PDZRN3: variants seen among roughly 807,000 people sequenced by gnomAD.
The protein encoded by PDZRN3 is E3 ubiquitin-protein ligase PDZRN3.
A neutral mutation model predicts 85.7 loss-of-function variants in PDZRN3; 38 were observed. The observed-to-expected ratio is 0.44, with a 90% CI of 0.34 to 0.58. PDZRN3 has a LOEUF of 0.58. PDZRN3 is among the 20% of genes least tolerant of loss of function. PDZRN3 has a pLI of 0.01. For missense variants in PDZRN3, 1,629 were observed against 1,506.4 expected, an observed-to-expected ratio of 1.08 and a Z score of -1.35; for synonymous variants, 759 against 638.0, an observed-to-expected ratio of 1.19 and a Z score of -2.86.
At chr3:73,546,077 A>C (rs1037621691) in intron 3 of PDZRN3, among the ~76,000 whole-genome samples, 1 of 152,134 alleles carries the variant, frequency 6.6e-6, no homozygotes, top group Non-Finnish European at 1.5e-5. Flanking sequence ...CTTATTCTGT[A>C]TACTGTGTCC....
At chr3:73,439,584 T>C (rs191111372) in intron 3 of PDZRN3, among the ~76,000 whole-genome samples, 130 of 152,236 alleles carry the variant, frequency 8.5e-4, no homozygotes, top group Non-Finnish European at 1.7e-3. Context: ...AAACTGTGTC[T>C]TCATAGCAAG....
intron 5 of PDZRN3, among the ~76,000 whole-genome samples, chr3:73,400,155 C>T (rs1365445419): frequency 6.6e-6 from 1 of 152,120 alleles, no homozygotes; most frequent in Non-Finnish European, 1.5e-5. Context: ...TGTCTTTTTA[C>T]CTTATTCCAT....
At chr3:73,514,429 C>A (rs1695040179) in intron 3 of PDZRN3, among the ~76,000 whole-genome samples, 1 of 152,098 alleles carries the variant, frequency 6.6e-6, no homozygotes, top group Admixed American at 6.5e-5. Context: ...AAGGGCTGGG[C>A]TGGAAGACTG....
chr3:73,409,403 T>C (rs1701920576), intron 3 of PDZRN3, among the ~76,000 whole-genome samples: 1 of 152,182 alleles, frequency 6.6e-6, no homozygotes, highest in Non-Finnish European at 1.5e-5. Flanking sequence ...GAGCTTTCCA[T>C]TTGGGAGGTA....
intron 3 of PDZRN3, among the ~76,000 whole-genome samples, chr3:73,410,223 G>C (rs1348265785): frequency 6.6e-6 from 1 of 152,182 alleles, no homozygotes; most frequent in Non-Finnish European, 1.5e-5. Flanking sequence ...ACTCCTGTCT[G>C]TCTTAATTTA....
chr3:73,388,125 TGG>T, intron 7 of PDZRN3, 56 bp from the exon 8 acceptor site: 1 of 829,776 alleles, frequency 1.2e-6, no homozygotes, highest in Non-Finnish European at 1.9e-6. Flanking sequence ...CATGATTAGA[TGG>T]TGCAAAATCA....
At chr3:73,535,234 T>C (rs1302231880) in intron 3 of PDZRN3, among the ~76,000 whole-genome samples, 1 of 152,216 alleles carries the variant, frequency 6.6e-6, no homozygotes, top group Non-Finnish European at 1.5e-5. Flanking sequence ...AAATATATTA[T>C]TGTTGCAGGC....
chr3:73,600,460 T>C (rs1229477201), intron 3 of PDZRN3, among the ~76,000 whole-genome samples: 3 of 152,086 alleles, frequency 2.0e-5, no homozygotes, highest in Non-Finnish European at 4.4e-5. Flanking sequence ...CACTGTATCA[T>C]GTCAAAAGAG....
At chr3:73,522,103 C>T (rs930961075) in intron 3 of PDZRN3, among the ~76,000 whole-genome samples, 3 of 152,138 alleles carry the variant, frequency 2.0e-5, no homozygotes, top group African/African-American at 7.2e-5. Flanking sequence ...ACAGCCACAC[C>T]CATTCACTTT....
chr3:73,602,865 A>T (rs1336400715), intron 2 of PDZRN3, among the ~76,000 whole-genome samples: 3 of 152,226 alleles, frequency 2.0e-5, no homozygotes, highest in Non-Finnish European at 4.4e-5. Context: ...AATCATGAAG[A>T]TCTTCTGCTA....
chr3:73,527,319 G>A (rs921185936), intron 3 of PDZRN3, among the ~76,000 whole-genome samples: 5 of 152,100 alleles, frequency 3.3e-5, no homozygotes, highest in African/African-American at 4.8e-5. Flanking sequence ...ATATGAACCA[G>A]TAAATGGTTT....
At chr3:73,605,680 C>T (rs921537327) in intron 2 of PDZRN3, among the ~76,000 whole-genome samples, 4 of 152,290 alleles carry the variant, frequency 2.6e-5, no homozygotes, top group Non-Finnish European at 5.9e-5. Context: ...CTCATCTTGG[C>T]TTTTTAGCAT....
At chr3:73,542,634 C>T (rs576395974) in intron 3 of PDZRN3, among the ~76,000 whole-genome samples, 4 of 151,908 alleles carry the variant, frequency 2.6e-5, no homozygotes, top group East Asian at 3.9e-4. Context: ...ATTAGCTGGG[C>T]GTGGTGGCAG....
chr3:73,418,336 T>C (rs1702132832), intron 3 of PDZRN3, among the ~76,000 whole-genome samples: 1 of 152,218 alleles, frequency 6.6e-6, no homozygotes, highest in Admixed American at 6.5e-5. Flanking sequence ...TGAACTGGGC[T>C]AAAAACACTG....
chr3:73,553,217 G>A (rs957464884), intron 3 of PDZRN3, among the ~76,000 whole-genome samples: 1 of 152,122 alleles, frequency 6.6e-6, no homozygotes, highest in Non-Finnish European at 1.5e-5. Context: ...TAGTGCTTAC[G>A]CTTCTGATAA....
chr3:73,600,919 GACTCTAA>G (rs1318336205), intron 3 of PDZRN3, among the ~76,000 whole-genome samples: 3 of 152,184 alleles, frequency 2.0e-5, no homozygotes, highest in Non-Finnish European at 4.4e-5. Flanking sequence ...TACAAAGACT[GACTCTAA>G]ACCATGCAGC....
chr3:73,434,161 A>G (rs1702487591), intron 3 of PDZRN3, among the ~76,000 whole-genome samples: 1 of 152,224 alleles, frequency 6.6e-6, no homozygotes, highest in Non-Finnish European at 1.5e-5. Flanking sequence ...GGGAATAATA[A>G]AAGACACTAA....
chr3:73,468,067 T>G lies in PDZRN3; in HGVS notation c.919-63672A>C, dbSNP rs149538504. Among the ~76,000 whole-genome samples the G allele has an allele frequency of 1.4e-3, 216 of 152,168 alleles. 1 individual carries two copies. Among genetic ancestry groups the G allele is most frequent in the Non-Finnish European group, 1.9e-3 (129 of 68,008 alleles). On this transcript the variant is annotated intron_variant, in intron 3 of 9. Coordinates refer to ENST00000263666, the MANE Select transcript of PDZRN3 (RefSeq NM_015009.3). The stretch of plus-strand genomic sequence containing the variant: ...ATTTAACACCATTGCACTGCACACC[T>G]AAATATGGTTAAGATGGCAAATTTT...
At chr3:73,433,423 T>C (rs1702471089) in intron 3 of PDZRN3, among the ~76,000 whole-genome samples, 1 of 152,262 alleles carries the variant, frequency 6.6e-6, no homozygotes, top group South Asian at 2.1e-4. Flanking sequence ...TCAACATCTA[T>C]TTATATTTTC....
Sources: allele counts gnomAD v4.1 joint callset (sites outside exome capture counted in the v4.1 genomes callset), GRCh38; gene constraint gnomAD v4.1.1; transcripts MANE v1.5; gene names NCBI Gene and HGNC (gene_info 2026-07-23, HGNC 2026-07-21).